Variants in PDS5B observed in about 807,000 individuals in gnomAD.
The protein encoded by PDS5B is sister chromatid cohesion protein PDS5 homolog B.
Under a neutral mutation model 184.1 loss-of-function variants are expected in PDS5B, and 51 were observed. The ratio of observed to expected loss-of-function variants is 0.28; its 90% CI spans 0.22 to 0.35. The LOEUF is 0.35. Among genes scored for constraint, PDS5B ranks in the 10% least tolerant of loss-of-function variants. PDS5B has a pLI of 1.00. For synonymous variants in PDS5B, 566 were observed against 569.2 expected (o/e 0.99, Z 0.08); for missense variants, 1,180 against 1,723.3 (o/e 0.68, Z 5.58).
At chr13:32,700,799 ATATT>A (rs1043934303) in intron 16 of PDS5B, among the ~76,000 whole-genome samples, 3 of 152,024 alleles carry the variant, frequency 2.0e-5, no homozygotes, top group African/African-American at 7.2e-5. Flanking sequence ...GTCAATGAAA[ATATT>A]TATTGTTGTC....
At chr13:32,684,774 G>A (rs899849094) in intron 11 of PDS5B, among the ~76,000 whole-genome samples, 2 of 152,112 alleles carry the variant, frequency 1.3e-5, no homozygotes, top group African/African-American at 4.8e-5. Flanking sequence ...GAAAGTGGGA[G>A]GCCTGCCTAT....
chr13:32,705,909 CT>C (rs774654143), intron 17 of PDS5B, among the ~76,000 whole-genome samples: 232 of 152,220 alleles, frequency 1.5e-3, no homozygotes, highest in Non-Finnish European at 1.5e-3. Context: ...TCAAGTGACC[CT>C]CCTTTTTCAG....
At chr13:32,677,817 CAT>C (rs1593404594) in intron 9 of PDS5B, among the ~76,000 whole-genome samples, 1 of 151,984 alleles carries the variant, frequency 6.6e-6, no homozygotes, top group African/African-American at 2.4e-5. Context: ...AGAATTAAGA[CAT>C]ATGAAAATAT....
At chr13:32,771,033 T>G in intron 33 of PDS5B, 1 of 305,236 alleles carries the variant, frequency 3.3e-6, no homozygotes, top group Non-Finnish European at 6.0e-6. Context: ...AATCATAAGG[T>G]ATTTTTAAAT....
intron 1 of PDS5B, among the ~76,000 whole-genome samples, chr13:32,607,051 T>C (rs1256966579): frequency 1.3e-5 from 2 of 152,254 alleles, no homozygotes; most frequent in Non-Finnish European, 2.9e-5. Flanking sequence ...AAAGCCTTCT[T>C]CTCTCAACTT....
intron 19 of PDS5B, among the ~76,000 whole-genome samples, chr13:32,716,977 C>T: frequency 8.4e-6 from 1 of 118,448 alleles, no homozygotes; most frequent in African/African-American, 3.4e-5. Context: ...GTGGGGGGGT[C>T]AGTCCCCCGC....
chr13:32,770,957 C>G, intron 33 of PDS5B, 196 bp downstream of exon 33: 1 of 575,194 alleles, frequency 1.7e-6, no homozygotes, highest in Non-Finnish European at 3.1e-6. Context: ...CAGGTGCAGG[C>G]AAATCTTCAT....
intron 13 of PDS5B, among the ~76,000 whole-genome samples, chr13:32,693,450 T>C (rs1440498750): frequency 6.6e-6 from 1 of 151,836 alleles, no homozygotes; most frequent in Non-Finnish European, 1.5e-5. Context: ...GTTCTTTGTC[T>C]ATTAAAAGAA....
intron 14 of PDS5B, among the ~76,000 whole-genome samples, chr13:32,695,406 A>G (rs1305757930): frequency 6.6e-6 from 1 of 151,966 alleles, no homozygotes; most frequent in Non-Finnish European, 1.5e-5. Context: ...TTAAATTAGT[A>G]TGTTTAGCCA....
intron 1 of PDS5B, among the ~76,000 whole-genome samples, chr13:32,594,540 A>G (rs2057828313): frequency 1.3e-5 from 2 of 152,206 alleles, no homozygotes; most frequent in African/African-American, 2.4e-5. Flanking sequence ...AAACTTGACA[A>G]ATGGAGATTA....
intron 1 of PDS5B, among the ~76,000 whole-genome samples, chr13:32,632,852 C>T (rs1406241667): frequency 6.6e-6 from 1 of 152,104 alleles, no homozygotes; most frequent in African/African-American, 2.4e-5. Flanking sequence ...ATCTGCAATC[C>T]CAGCACTTTG....
intron 1 of PDS5B, among the ~76,000 whole-genome samples, chr13:32,594,308 A>G (rs2140465665): frequency 6.6e-6 from 1 of 152,392 alleles, no homozygotes; most frequent in African/African-American, 2.4e-5. Flanking sequence ...ATAGTTTTAG[A>G]GAATGCAAAA....
At chr13:32,699,642 G>A in intron 15 of PDS5B, 88 bp from the exon 16 acceptor site, 1 of 678,244 alleles carries the variant, frequency 1.5e-6, no homozygotes, top group African/African-American at 1.9e-5. Flanking sequence ...AGGATTTTAA[G>A]GCAATAAAAG....
chr13:32,709,752 A>G (rs766549086), intron 18 of PDS5B, among the ~76,000 whole-genome samples, 194 bp from the exon 19 acceptor site: 12 of 152,152 alleles, frequency 7.9e-5, no homozygotes, highest in East Asian at 3.8e-4. Flanking sequence ...ATATCATACA[A>G]TCTTCCTACA....
chr13:32,728,948 C>T lies in PDS5B; in HGVS notation c.2124-3153C>T, dbSNP rs193254122. 2.5e-3 allele frequency among the ~76,000 whole-genome samples: 383 copies of T among 152,104 alleles called. 2 individuals carry two copies. The highest frequency in any genetic ancestry group is 4.1e-3 in the Non-Finnish European group (276 of 67,996). ...TGTCTTCTTTTTTAAAAAAATTAAA[C>T]GTTGAGTTCTGAGATACATGTGCAG... On this transcript the variant is annotated intron_variant, in intron 19 of 34. Transcript: ENST00000315596.
At chr13:32,662,533 A>G (rs1392501024) in intron 6 of PDS5B, among the ~76,000 whole-genome samples, 3 of 152,164 alleles carry the variant, frequency 2.0e-5, no homozygotes. Context: ...CTGAGTTTAT[A>G]AAAATATTGA....
At chr13:32,691,261 T>C (rs1362290914) in intron 13 of PDS5B, 1 of 152,068 alleles carries the variant, frequency 6.6e-6, no homozygotes, top group Non-Finnish European at 1.5e-5. Flanking sequence ...GAAACAATTG[T>C]GTATACAGTG....
chr13:32,678,765 TG>T, intron 9 of PDS5B, 69 bp from the exon 10 acceptor site: 1 of 866,578 alleles, frequency 1.2e-6, no homozygotes, highest in Non-Finnish European at 1.9e-6. Context: ...AAATGTAAAT[TG>T]GGTACAGATT....
chr13:32,646,219 C>G (rs1427029043), intron 1 of PDS5B, among the ~76,000 whole-genome samples: 1 of 152,066 alleles, frequency 6.6e-6, no homozygotes, highest in African/African-American at 2.4e-5. Context: ...ATTGCCCAGG[C>G]TGGTCTTGAA....
Sources: allele counts gnomAD v4.1 joint callset (sites outside exome capture counted in the v4.1 genomes callset), GRCh38; gene constraint gnomAD v4.1.1; transcripts MANE v1.5; gene names NCBI Gene and HGNC (gene_info 2026-07-23, HGNC 2026-07-21).